DUSP8: variants seen among roughly 807,000 people sequenced by gnomAD.
DUSP8 encodes dual specificity phosphatase 8, also known as dual specificity protein phosphatase 8.
Under a neutral mutation model 38.7 loss-of-function variants are expected in DUSP8, and 15 were observed. The observed-to-expected ratio is 0.39, with a 90% confidence interval of 0.26 to 0.60. The LOEUF (loss-of-function observed/expected upper bound fraction) is 0.60, where lower values mean the gene tolerates loss of function less well. Ranked by LOEUF, DUSP8 falls within the 20% of genes least tolerant of loss-of-function variation. The pLI, the probability that DUSP8 is intolerant of heterozygous loss-of-function variation, is 0.56. For synonymous variants in DUSP8, 458 were observed against 433.9 expected (o/e 1.06, Z -0.69); for missense variants, 768 against 915.0 (o/e 0.84, Z 2.07).
intron 1 of DUSP8, among the ~76,000 whole-genome samples, chr11:1,567,410 G>T (rs1165028855): frequency 6.6e-6 from 1 of 152,244 alleles, no homozygotes; most frequent in Non-Finnish European, 1.5e-5. Flanking sequence ...GCCGGCGGGG[G>T]CCAGTGAGAG....
chr11:1,563,124 G>A (rs957855916), intron 3 of DUSP8, among the ~76,000 whole-genome samples: 1 of 152,090 alleles, frequency 6.6e-6, no homozygotes, highest in African/African-American at 2.4e-5. Flanking sequence ...ACAGCCCCTG[G>A]TAGCAGAGGC....
intron 1 of DUSP8, 126 bp from the exon 2 acceptor site, chr11:1,566,060 CT>C (rs1848798242): frequency 1.8e-6 from 1 of 552,074 alleles, no homozygotes; most frequent in Non-Finnish European, 3.2e-6. Flanking sequence ...CGTGGGAACC[CT>C]TCTCCCTCTG....
At chr11:1,559,103 C>T in intron 3 of DUSP8, 48 bp from the exon 4 acceptor site, 2 of 1,574,194 alleles carry the variant, frequency 1.3e-6, no homozygotes, top group Non-Finnish European at 1.7e-6. Context: ...CCTAGGGCTC[C>T]CTGTCCGCCT....
chr11:1,557,194 G>A lies in DUSP8; in HGVS notation c.1202C>T (p.Ala401Val). 2 of 1,487,362 alleles carry A rather than the reference G, an allele frequency of 1.3e-6. No homozygotes were observed. The highest frequency in any genetic ancestry group is 1.3e-5 in the South Asian group (1 of 78,888). The allele number at this position is 1,487,362 out of a possible 1,614,324, so 92.1% of individuals were successfully genotyped here. A position where few individuals can be genotyped will look rare whatever the true frequency, so the allele number is the denominator to read the frequency against. The stretch of plus-strand genomic sequence containing the variant: ...GTCGGGCCGCCTGCTAGGGGCGTAG[G>A]CAGACTTGATGTCCAGGGAGAAGGA... ...KRSFSLDIKS[A>V]YAPSRRPDGP... The change falls in exon 7 of 7, where the codon GCC becomes GTC. Residue 401 changes from alanine (A) to valine (V), a missense_variant. By Grantham distance (64) the Ala-to-Val change is moderately conservative (BLOSUM62 0). Transcript: ENST00000397374. The surrounding 1 kb of genome is among the most constrained non-coding windows in gnomAD (Gnocchi z 9.9).
At chr11:1,563,243 G>A (rs1848749904) in intron 3 of DUSP8, among the ~76,000 whole-genome samples, 1 of 152,214 alleles carries the variant, frequency 6.6e-6, no homozygotes, top group South Asian at 2.1e-4. Context: ...ACCCCAGGAG[G>A]TGGATTCTAC....
At chr11:1,568,974 G>A (rs916032845) in intron 1 of DUSP8, among the ~76,000 whole-genome samples, 1 of 152,182 alleles carries the variant, frequency 6.6e-6, no homozygotes, top group Non-Finnish European at 1.5e-5. Flanking sequence ...GATGGGGCAG[G>A]TTGGGTGGGG....
intron 1 of DUSP8, among the ~76,000 whole-genome samples, chr11:1,567,777 C>T (rs1287301587): frequency 3.3e-5 from 5 of 152,240 alleles, no homozygotes; most frequent in African/African-American, 1.2e-4. Flanking sequence ...CTCCAGCCTC[C>T]ACCACAGGGT....
intron 3 of DUSP8, among the ~76,000 whole-genome samples, chr11:1,563,071 G>T (rs1033598016): frequency 6.6e-6 from 1 of 152,028 alleles, no homozygotes; most frequent in Non-Finnish European, 1.5e-5. Flanking sequence ...TCACCCCACC[G>T]TGCCTGCACC....
chr11:1,568,541 G>A (rs865967454), intron 1 of DUSP8, among the ~76,000 whole-genome samples: 1 of 152,196 alleles, frequency 6.6e-6, no homozygotes, highest in Non-Finnish European at 1.5e-5. Context: ...CAACAGCAGA[G>A]GTGCCAGGCA....
chr11:1,570,527 C>CAG (rs1264958673), intron 1 of DUSP8, among the ~76,000 whole-genome samples: 2 of 152,188 alleles, frequency 1.3e-5, no homozygotes, highest in Non-Finnish European at 2.9e-5. Context: ...GGTCCTGGAG[C>CAG]AGAGACTGAC....
chr11:1,571,715 G>T (rs988680387), intron 1 of DUSP8, 186 bp downstream of exon 1: 2 of 151,714 alleles, frequency 1.3e-5, no homozygotes, highest in African/African-American at 4.8e-5. Context: ...GGGCGGGGAA[G>T]GGGCCTCCCT....
intron 1 of DUSP8, among the ~76,000 whole-genome samples, chr11:1,566,284 TC>T (rs1848802993): frequency 6.6e-6 from 1 of 152,100 alleles, no homozygotes; most frequent in South Asian, 2.1e-4. Context: ...CTGCATCTTT[TC>T]CACCACAGGA....
At chr11:1,559,468 C>T (rs941276219) in intron 3 of DUSP8, 11 of 177,406 alleles carry the variant, frequency 6.2e-5, no homozygotes, top group East Asian at 3.3e-4. Context: ...CTCACGAGCC[C>T]GGCCATCTCC....
intron 1 of DUSP8, among the ~76,000 whole-genome samples, chr11:1,570,723 C>T (rs898392325): frequency 1.3e-5 from 2 of 152,166 alleles, no homozygotes; most frequent in Non-Finnish European, 2.9e-5. Flanking sequence ...ATCTGCCATC[C>T]GCATCCAGTG....
At chr11:1,565,468 C>T in intron 2 of DUSP8, 128 bp downstream of exon 2, 2 of 749,112 alleles carry the variant, frequency 2.7e-6, no homozygotes, top group East Asian at 5.4e-5. Flanking sequence ...TCCACACGCC[C>T]CTGGCTGTGA....
intron 1 of DUSP8, among the ~76,000 whole-genome samples, chr11:1,567,752 G>C (rs1204572368): frequency 1.3e-5 from 2 of 152,220 alleles, no homozygotes; most frequent in Non-Finnish European, 2.9e-5. Flanking sequence ...CTCAGATAAC[G>C]TTCCTGGGCT....
chr11:1,558,014 T>G lies in DUSP8; in HGVS notation c.698-97A>C, dbSNP rs1263248775. ...CCCCACCCGCCCAACTGCCAACAGTTCCGGCTACTTCCTGGGGACCCCTCC... is the reference window on the plus strand; with the variant it reads ...CCCCACCCGCCCAACTGCCAACAGTGCCGGCTACTTCCTGGGGACCCCTCC... On this transcript the variant is annotated intron_variant, in intron 5 of 6. Transcript: ENST00000397374. This position sits in a 1 kb window ranked among gnomAD's most constrained non-coding sequence, Gnocchi z 6.3. 2 of 1,610,686 alleles carry G rather than the reference T, an allele frequency of 1.2e-6. No homozygotes were observed. The highest frequency in any genetic ancestry group is 3.7e-4 in the Middle Eastern group (2 of 5,478).
At chr11:1,559,282 T>C (rs1329095150) in intron 3 of DUSP8, 1 of 481,328 alleles carries the variant, frequency 2.1e-6, no homozygotes, top group Non-Finnish European at 3.6e-6. Context: ...TACGCCCACA[T>C]TCCTCCTCAT....
chr11:1,564,280 G>A (rs931781535), intron 2 of DUSP8, among the ~76,000 whole-genome samples: 2 of 152,246 alleles, frequency 1.3e-5, no homozygotes, highest in African/African-American at 4.8e-5. Context: ...GAAGGGGACG[G>A]ACGCTCTGGG....
Sources: allele counts gnomAD v4.1 joint callset (sites outside exome capture counted in the v4.1 genomes callset), GRCh38; gene constraint gnomAD v4.1.1; non-coding constraint Gnocchi (gnomAD v3.1); transcripts MANE v1.5; gene names NCBI Gene and HGNC (gene_info 2026-07-23, HGNC 2026-07-21).